ZNF813: variants seen among roughly 807,000 people sequenced by gnomAD.
ZNF813 encodes the protein zinc finger protein 813.
ZNF813 carries 3 observed loss-of-function variants against 7.2 expected under a neutral mutation model. The observed-to-expected ratio is 0.42, with a 90% CI of 0.19 to 1.08. The LOEUF is 1.08. Ranked by LOEUF, ZNF813 falls within the 50% of genes least tolerant of loss-of-function variation. ZNF813 has a pLI of 0.30. For synonymous variants in ZNF813, 227 were observed against 256.3 expected (o/e 0.89, Z 1.09); for missense variants, 714 against 753.3 (o/e 0.95, Z 0.61).
chr19:53,469,746 G>A (rs981943896), intron 1 of ZNF813, among the ~76,000 whole-genome samples: 2 of 146,376 alleles, frequency 1.4e-5, no homozygotes, highest in African/African-American at 5.0e-5. Flanking sequence ...CAAGAACAGA[G>A]GGAGAAGCAC....
At chr19:53,470,881 G>T (rs1018219223) in intron 1 of ZNF813, among the ~76,000 whole-genome samples, 4 of 151,988 alleles carry the variant, frequency 2.6e-5, no homozygotes, top group Admixed American at 6.6e-5. Flanking sequence ...TCTCATTTTT[G>T]TGGCTTGCTG....
intron 1 of ZNF813, among the ~76,000 whole-genome samples, chr19:53,480,716 T>A (rs541209019): frequency 1.3e-5 from 2 of 152,352 alleles, no homozygotes; most frequent in East Asian, 3.9e-4. Flanking sequence ...TCTTTCCTTA[T>A]GTCATCTGTG....
intron 1 of ZNF813, among the ~76,000 whole-genome samples, chr19:53,479,060 G>A (rs1171006748): frequency 4.0e-5 from 6 of 151,728 alleles, no homozygotes; most frequent in Admixed American, 2.0e-4. Flanking sequence ...TCAACCTCCC[G>A]AGTACGTGGG....
At chr19:53,484,009 C>T (rs990073789) in intron 2 of ZNF813, among the ~76,000 whole-genome samples, 172 bp downstream of exon 2, 1 of 151,992 alleles carries the variant, frequency 6.6e-6, no homozygotes, top group African/African-American at 2.4e-5. Flanking sequence ...CTCTTGTGAC[C>T]GAGTGACATG....
At chr19:53,476,101 T>C (rs1353813220) in intron 1 of ZNF813, among the ~76,000 whole-genome samples, 3 of 152,302 alleles carry the variant, frequency 2.0e-5, no homozygotes, top group Admixed American at 6.5e-5. Flanking sequence ...CCAGTGTTCC[T>C]TGTGGCTCAC....
rs200658542 is a variant in ZNF813 at position 53,472,607 on chromosome 19, C to CTTTTTT, written c.-74+4821_-74+4822insTTTTTT. The stretch of plus-strand genomic sequence containing the variant: ...AGATGGTCTGATTATAAGTACAAGT[C>CTTTTTT]TTTCTTTTTTTTTTTTTTTTTTGAG... On this transcript the variant is annotated intron_variant, in intron 1 of 3. Transcript: ENST00000396403. 3.1e-3 allele frequency among the ~76,000 whole-genome samples: 420 copies of CTTTTTT among 136,458 alleles called. 18 individuals carry two copies. Among genetic ancestry groups the CTTTTTT allele is most frequent in the East Asian group, 6.8e-3 (28 of 4,128 alleles). The allele number at this position is 136,458 out of a possible 152,430, so 89.5% of individuals were successfully genotyped here.
chr19:53,481,146 A>G (rs1213583119), intron 1 of ZNF813, among the ~76,000 whole-genome samples: 1 of 152,098 alleles, frequency 6.6e-6, no homozygotes, highest in Non-Finnish European at 1.5e-5. Flanking sequence ...CTTCTAGTTT[A>G]AGATACAATC....
chr19:53,489,695 A>G (rs1161587185), intron 3 of ZNF813, among the ~76,000 whole-genome samples: 1 of 152,136 alleles, frequency 6.6e-6, no homozygotes, highest in East Asian at 1.9e-4. Flanking sequence ...ATTCAGAAAA[A>G]TATTGTATTA....
chr19:53,484,109 G>A (rs1280343168), intron 2 of ZNF813, among the ~76,000 whole-genome samples: 1 of 152,104 alleles, frequency 6.6e-6, no homozygotes, highest in Non-Finnish European at 1.5e-5. Flanking sequence ...CATGGTGTCA[G>A]TGCTGTTGGG....
intron 2 of ZNF813, among the ~76,000 whole-genome samples, chr19:53,485,608 C>A (rs1022491907): frequency 1.0e-4 from 7 of 68,912 alleles, no homozygotes; most frequent in Admixed American, 3.2e-4. Flanking sequence ...TGATATATAT[C>A]GTGATATATA....
At chr19:53,486,473 C>T (rs886109509) in intron 2 of ZNF813, among the ~76,000 whole-genome samples, 159 bp from the exon 3 acceptor site, 3 of 151,072 alleles carry the variant, frequency 2.0e-5, no homozygotes, top group Non-Finnish European at 4.4e-5. Flanking sequence ...TAATAAAACA[C>T]AGCTGGGAAG....
In ZNF813 at chr19:53,488,584, AT is replaced by A. The variant is rs35747993; in HGVS notation, c.143-1777del. ...TCACCACACCCGGCTAATTTTTTGT[AT>A]TTTTTTTTTTTTTGTAGAGGTGGAG... On this transcript the variant is annotated intron_variant, in intron 3 of 3. Coordinates refer to ENST00000396403, the MANE Select transcript of ZNF813 (RefSeq NM_001004301.4). 2.0e-3 allele frequency among the ~76,000 whole-genome samples: 276 copies of A among 134,678 alleles called. 1 individual carries two copies. The East Asian group carries it at 0.023, about 11-fold the overall frequency. The allele number at this position is 134,678 out of a possible 152,430, so 88.4% of individuals were successfully genotyped here. A position where few individuals can be genotyped will look rare whatever the true frequency, so the allele number is the denominator to read the frequency against.
At chr19:53,468,027 G>C (rs771449940) in intron 1 of ZNF813, among the ~76,000 whole-genome samples, 4 of 152,202 alleles carry the variant, frequency 2.6e-5, no homozygotes, top group Non-Finnish European at 5.9e-5. Context: ...TTTCTATCGC[G>C]CATTTTTCCT....
Position 53,496,116 on chromosome 19 carries a change from C to A in ZNF813, c.*4030C>A. The A allele has an allele frequency of 4.1e-6, 1 of 244,536 alleles. No homozygotes were observed. The highest frequency in any genetic ancestry group is 6.1e-5 in the South Asian group (1 of 16,442). The allele number at this position is 244,536 out of a possible 1,614,324, so 15.1% of individuals were successfully genotyped here. On this transcript the variant is annotated 3_prime_UTR_variant, in exon 4 of 4. Transcript: ENST00000396403. ...CGTTACCATATCAAGCTGAAAATGTCACCACTATCTGGAGTGTTGGAAATG... is the reference window on the plus strand; with the variant it reads ...CGTTACCATATCAAGCTGAAAATGTAACCACTATCTGGAGTGTTGGAAATG...
At chr19:53,472,407 G>C (rs1156566938) in intron 1 of ZNF813, among the ~76,000 whole-genome samples, 1 of 152,132 alleles carries the variant, frequency 6.6e-6, no homozygotes, top group Non-Finnish European at 1.5e-5. Context: ...TAGGTCTGCT[G>C]CTGGACAAGC....
In ZNF813 at chr19:53,475,078, C is replaced by A. The variant is rs2086376067; in HGVS notation, c.-74+7289C>A. The stretch of plus-strand genomic sequence containing the variant: ...ACTTTCTCTGGAGCCTATACTGCCT[C>A]TAAGAGCTGTAGAATCTCTTCTTTG... On this transcript the variant is annotated intron_variant, in intron 1 of 3. Coordinates refer to ENST00000396403, the MANE Select transcript of ZNF813 (RefSeq NM_001004301.4). Among the ~76,000 whole-genome samples, 3 of 151,584 alleles carry A rather than the reference C, an allele frequency of 2.0e-5. No homozygotes were observed. The South Asian group carries it at 6.3e-4, about 32-fold the overall frequency.
chr19:53,468,493 CTG>C (rs930669203), intron 1 of ZNF813, among the ~76,000 whole-genome samples: 3 of 152,208 alleles, frequency 2.0e-5, no homozygotes, highest in Non-Finnish European at 4.4e-5. Flanking sequence ...GTGCCAGCCT[CTG>C]AGTTCCCTCA....
intron 1 of ZNF813, among the ~76,000 whole-genome samples, chr19:53,476,288 A>G (rs959227415): frequency 1.3e-5 from 2 of 152,166 alleles, no homozygotes; most frequent in African/African-American, 2.4e-5. Flanking sequence ...TGCAGTTGCT[A>G]TTTGGCAGGG....
At chr19:53,488,874 G>A (rs1034361067) in intron 3 of ZNF813, among the ~76,000 whole-genome samples, 4 of 152,116 alleles carry the variant, frequency 2.6e-5, no homozygotes, top group East Asian at 1.9e-4. Context: ...TTAGAATTCT[G>A]CAGGTTGTAT....
Sources: allele counts gnomAD v4.1 joint callset (sites outside exome capture counted in the v4.1 genomes callset), GRCh38; gene constraint gnomAD v4.1.1; transcripts MANE v1.5; gene names NCBI Gene and HGNC (gene_info 2026-07-23, HGNC 2026-07-21).